ILDR1: variants seen among roughly 807,000 people sequenced by gnomAD.
ILDR1 encodes immunoglobulin like domain containing receptor 1.
In ILDR1, 56 loss-of-function variants were observed where a neutral mutation model predicts 62.4. That is an observed-to-expected ratio of 0.90 (90% CI 0.72 to 1.12). ILDR1 has a LOEUF of 1.12. Among genes scored for constraint, ILDR1 ranks in the 50% most tolerant of loss-of-function variants. ILDR1 has a pLI of 0.00. For synonymous variants in ILDR1, 284 were observed against 277.8 expected, an observed-to-expected ratio of 1.02 and a Z score of -0.22; for missense variants, 736 against 710.6, an observed-to-expected ratio of 1.04 and a Z score of -0.41.
chr3:121,998,258 T>A (rs1423796845), intron 5 of ILDR1, among the ~76,000 whole-genome samples: 1 of 152,262 alleles, frequency 6.6e-6, no homozygotes, highest in Non-Finnish European at 1.5e-5. Context: ...CACTTCTTAA[T>A]GCTTCACTTT....
the ILDR1 span, among the ~76,000 whole-genome samples, chr3:122,052,449 T>C: frequency 1.3e-5 from 2 of 152,122 alleles, no homozygotes; most frequent in Non-Finnish European, 2.9e-5. Flanking sequence ...TATCACCCAG[T>C]ATTTTTTTGT....
At position 121,993,714 on chromosome 3, in the gene ILDR1, G is replaced by C. The variant is rs1364193353; in HGVS notation, c.1035C>G (p.Thr345=). ...LIRDLSSSRR[T]SDSLHQQWLT... ...GCCACTGCTGGTGCAGGGAGTCACT[G>C]GTCCTCCTTGAGGATGACAGGTCTC... is the stretch of plus-strand genomic sequence containing the variant. The change falls in exon 7 of 8, where the codon ACC becomes ACG. Residue 345 remains threonine (T), a synonymous_variant. Coordinates refer to ENST00000344209, the MANE Select transcript of ILDR1 (RefSeq NM_001199799.2). 1 of 1,614,114 alleles carries C rather than the reference G, an allele frequency of 6.2e-7. No individual in the cohort carries two copies. The highest frequency in any genetic ancestry group is 1.7e-5 in the Admixed American group (1 of 60,028).
At position 121,993,235 on chromosome 3, in the gene ILDR1, G is replaced by A; in HGVS notation, c.1514C>T (p.Pro505Leu). ...HRRGSHSPHW[P>L]EEKPPSYRSL... ...GCGGTAGCTAGGCGGCTTCTCCTCG[G>A]GCCAGTGTGGGGAGTGCGAGCCGCG... Residue 505 changes from proline (P) to leucine (L), a missense_variant, in exon 7 of 8, where the codon CCC becomes CTC. Coordinates refer to ENST00000344209, the MANE Select transcript of ILDR1 (RefSeq NM_001199799.2). The A allele has an allele frequency of 6.2e-7, 1 of 1,613,986 alleles. No homozygotes were observed. Among genetic ancestry groups the A allele is most frequent in the Non-Finnish European group, 8.5e-7 (1 of 1,179,940 alleles).
the ILDR1 span, among the ~76,000 whole-genome samples, chr3:122,045,279 GAGAT>G: frequency 6.7e-6 from 1 of 148,678 alleles, no homozygotes; most frequent in African/African-American, 2.5e-5. Context: ...TGTGGTCTGA[GAGAT>G]AGTTTGTTAT....
chr3:121,993,243 TG>T lies in ILDR1; in HGVS notation c.1505del (p.Pro502HisfsTer78), dbSNP rs755248446. ...TAGGCGGCTTCTCCTCGGGCCAGTG[TG>T]GGGAGTGCGAGCCGCGGCGGTGGGC... ...WRAHRRGSHS[P>X]HWPEEKPPSY... On this transcript the variant is annotated frameshift_variant, in exon 7 of 8. Transcript: ENST00000344209. LOFTEE classifies it high-confidence loss of function. 7 of 1,613,892 alleles carry T rather than the reference TG, an allele frequency of 4.3e-6. No homozygotes were observed. The South Asian group carries it at 7.7e-5, about 18-fold the overall frequency.
chr3:122,050,305 T>G, the ILDR1 span, among the ~76,000 whole-genome samples: 1 of 152,204 alleles, frequency 6.6e-6, no homozygotes, highest in African/African-American at 2.4e-5. Context: ...ATTTTGAAAT[T>G]TGTTTTTTGT....
the ILDR1 span, among the ~76,000 whole-genome samples, chr3:122,061,090 T>C: frequency 2.0e-5 from 3 of 152,196 alleles, no homozygotes; most frequent in African/African-American, 7.2e-5. Flanking sequence ...AGATTTGCAC[T>C]AAAACATCAA....
chr3:121,992,900 C>T (rs908478728), intron 7 of ILDR1, among the ~76,000 whole-genome samples: 3 of 152,224 alleles, frequency 2.0e-5, no homozygotes, highest in Non-Finnish European at 2.9e-5. Flanking sequence ...CACAGGACTG[C>T]GATGACAGCC....
chr3:122,008,578 CTTTTCTTTTCTTTTCTTTTT>C (rs1559879381), intron 1 of ILDR1, among the ~76,000 whole-genome samples: 6 of 138,924 alleles, frequency 4.3e-5, no homozygotes, highest in Non-Finnish European at 4.6e-5. Flanking sequence ...CTTTTCTTTT[CTTTTCTTTTCTTTTCTTTTT>C]TTTTTTTTTT....
chr3:122,057,842 T>C, the ILDR1 span, among the ~76,000 whole-genome samples: 1 of 152,250 alleles, frequency 6.6e-6, no homozygotes, highest in Non-Finnish European at 1.5e-5. Context: ...ACTCTTCCCT[T>C]ATTTTACAGA....
chr3:122,045,357 A>G, the ILDR1 span, among the ~76,000 whole-genome samples: 1 of 151,008 alleles, frequency 6.6e-6, no homozygotes, highest in Non-Finnish European at 1.5e-5. Context: ...CAATTTTGGA[A>G]TAGGTGTGGT....
chr3:122,022,689 G>A (rs1161712463), upstream of ILDR1, among the ~76,000 whole-genome samples: 1 of 152,184 alleles, frequency 6.6e-6, no homozygotes, highest in Non-Finnish European at 1.5e-5. Flanking sequence ...GGCCGAGGCG[G>A]GTGGATCATC....
upstream of ILDR1, among the ~76,000 whole-genome samples, chr3:122,023,961 G>T (rs1253547117): frequency 6.6e-6 from 1 of 151,996 alleles, no homozygotes; most frequent in Non-Finnish European, 1.5e-5. Context: ...ATAGTCTTCG[G>T]CAAGTGCTCA....
the ILDR1 span, among the ~76,000 whole-genome samples, chr3:122,030,623 T>TTTTC: frequency 8.5e-4 from 125 of 147,632 alleles, no homozygotes; most frequent in African/African-American, 3.0e-3. Context: ...GCAAGGGTTT[T>TTTTC]TCTCTCTCTC....
intron 5 of ILDR1, among the ~76,000 whole-genome samples, chr3:121,997,108 C>T (rs2071448314): frequency 6.6e-6 from 1 of 152,146 alleles, no homozygotes; most frequent in African/African-American, 2.4e-5. Context: ...ACCATGTTGG[C>T]CAGGCTGGTT....
At chr3:121,996,416 T>G (rs974321244) in intron 5 of ILDR1, among the ~76,000 whole-genome samples, 2 of 152,216 alleles carry the variant, frequency 1.3e-5, no homozygotes, top group African/African-American at 4.8e-5. Flanking sequence ...CCCTTCCTTC[T>G]TGCACTAAAA....
chr3:122,056,009 G>A, the ILDR1 span, among the ~76,000 whole-genome samples: 1 of 152,124 alleles, frequency 6.6e-6, no homozygotes, highest in African/African-American at 2.4e-5. Flanking sequence ...GTTGGGTAGT[G>A]GAAGGAGGTA....
rs1270884327 is a variant in ILDR1, at chr3:121,994,247, A to G, written c.713T>C (p.Leu238Pro). The change falls in exon 6 of 8, where the codon CTG becomes CCG. Residue 238 changes from leucine to proline, a missense_variant. Leu to Pro is a moderately conservative substitution (Grantham distance 98). Transcript: ENST00000344209. ...GGAGCTCCTGTCCGCCCCCCAGTAC[A>G]GGGGTTTTCCCATCATCTGAGGACC... ...ALGPQMMGKP[L>P]YWGADRSSQV... 3 of 1,535,964 alleles carry G rather than the reference A, an allele frequency of 2.0e-6. No individual in the cohort carries two copies. The highest frequency in any genetic ancestry group is 2.7e-5 in the African/African-American group (2 of 73,028).
the ILDR1 span, among the ~76,000 whole-genome samples, chr3:122,049,664 G>C: frequency 6.6e-6 from 1 of 152,108 alleles, no homozygotes; most frequent in Non-Finnish European, 1.5e-5. Context: ...TTGATTTAAA[G>C]TCTGTTATGG....
Sources: allele counts gnomAD v4.1 joint callset (sites outside exome capture counted in the v4.1 genomes callset), GRCh38; gene constraint gnomAD v4.1.1; transcripts MANE v1.5; gene names NCBI Gene and HGNC (gene_info 2026-07-23, HGNC 2026-07-21).